The following AUTS2 variants were observed in gnomAD, a reference collection of about 807,000 sequenced individuals.
The protein encoded by AUTS2 is autism susceptibility gene 2 protein.
A neutral mutation model predicts 112.4 loss-of-function variants in AUTS2; 17 were observed. That is an observed-to-expected ratio of 0.15 (90% CI 0.10 to 0.23). The LOEUF (loss-of-function observed/expected upper bound fraction) is 0.23, where lower values mean the gene tolerates loss of function less well. AUTS2 is among the 10% of genes least tolerant of loss of function. AUTS2 has a pLI of 1.00. For synonymous variants in AUTS2, 751 were observed against 702.7 expected (o/e 1.07, Z -1.09); for missense variants, 1,510 against 1,701.6 (o/e 0.89, Z 1.98).
Position 70,789,701 on chromosome 7 carries a change from G to T in AUTS2, c.2532-47G>T, listed in dbSNP as rs375608462. On this transcript the variant is annotated intron_variant, in intron 18 of 18. Transcript: ENST00000342771. ...CCGCAGCCCCTGGCCCGGCCGACTC[G>T]CCCCTTTCATTTCATCTGCGTCCTT... The T allele has an allele frequency of 5.7e-6, 9 of 1,573,072 alleles. No individual in the cohort carries two copies. In the Admixed American group the frequency reaches 7.0e-5, roughly 12 times the overall value.
At chr7:70,747,104 C>A (rs1002990027) in intron 6 of AUTS2, among the ~76,000 whole-genome samples, 7 of 152,128 alleles carry the variant, frequency 4.6e-5, no homozygotes, top group Admixed American at 2.0e-4. Flanking sequence ...GCCAGGTAGA[C>A]AAGGCCCTCA....
chr7:70,410,036 T>A (rs889052202), intron 4 of AUTS2, among the ~76,000 whole-genome samples: 6 of 152,258 alleles, frequency 3.9e-5, no homozygotes, highest in Non-Finnish European at 7.3e-5. Flanking sequence ...TTTCTTTTCC[T>A]GTTGGCTGGG....
chr7:70,314,723 C>A (rs1019244522), intron 4 of AUTS2, among the ~76,000 whole-genome samples: 8 of 152,158 alleles, frequency 5.3e-5, no homozygotes, highest in African/African-American at 7.2e-5. Context: ...TCCATCTCCG[C>A]CATTTAACAT....
intron 1 of AUTS2, among the ~76,000 whole-genome samples, chr7:69,652,780 C>T (rs187740073): frequency 3.3e-5 from 5 of 152,096 alleles, no homozygotes; most frequent in East Asian, 1.9e-4. Context: ...CTTACTACAT[C>T]GATAGTGGGG....
At chr7:70,570,198 T>A (rs1801879545) in intron 5 of AUTS2, among the ~76,000 whole-genome samples, 1 of 152,218 alleles carries the variant, frequency 6.6e-6, no homozygotes, top group Non-Finnish European at 1.5e-5. Flanking sequence ...AGGTAAGTTA[T>A]GATTCATACA....
chr7:70,446,794 C>T (rs1366341288), intron 5 of AUTS2, among the ~76,000 whole-genome samples: 2 of 152,150 alleles, frequency 1.3e-5, no homozygotes, highest in Non-Finnish European at 2.9e-5. Flanking sequence ...ACTTCCTGCT[C>T]AGAGGTGCTG....
chr7:69,705,769 A>T (rs1202420745), intron 1 of AUTS2, among the ~76,000 whole-genome samples: 1 of 152,162 alleles, frequency 6.6e-6, no homozygotes, highest in Non-Finnish European at 1.5e-5. Context: ...TCAGCTCTGG[A>T]GGCTAGAAGG....
At chr7:70,456,139 A>C (rs1419131372) in intron 5 of AUTS2, among the ~76,000 whole-genome samples, 5 of 152,190 alleles carry the variant, frequency 3.3e-5, no homozygotes, top group Non-Finnish European at 2.9e-5. Context: ...CCCCTAACCC[A>C]GCACGGAAGT....
At chr7:70,557,472 T>C (rs1392257050) in intron 5 of AUTS2, among the ~76,000 whole-genome samples, 2 of 152,226 alleles carry the variant, frequency 1.3e-5, no homozygotes, top group Non-Finnish European at 2.9e-5. Context: ...AGGCTTGTTA[T>C]TGAGCACATG....
At chr7:69,666,294 T>C (rs1289819520) in intron 1 of AUTS2, among the ~76,000 whole-genome samples, 2 of 152,220 alleles carry the variant, frequency 1.3e-5, no homozygotes, top group Non-Finnish European at 2.9e-5. Context: ...GTTTAGTGAA[T>C]GAATGAATAC....
At chr7:70,087,383 T>G (rs965140777) in intron 2 of AUTS2, among the ~76,000 whole-genome samples, 1 of 151,370 alleles carries the variant, frequency 6.6e-6, no homozygotes, top group African/African-American at 2.4e-5. Context: ...TTTTTTTTTT[T>G]TTTGAGACAG....
intron 2 of AUTS2, among the ~76,000 whole-genome samples, chr7:70,053,351 G>GAATTTTCC (rs1801839059): frequency 6.6e-6 from 1 of 151,956 alleles, no homozygotes; most frequent in Non-Finnish European, 1.5e-5. Context: ...TTTTAAAAAA[G>GAATTTTCC]AATTTTCCAT....
chr7:70,752,393 T>C (rs1029966155), intron 6 of AUTS2, among the ~76,000 whole-genome samples: 5 of 152,182 alleles, frequency 3.3e-5, no homozygotes, highest in Non-Finnish European at 7.3e-5. Flanking sequence ...TCTCTACATA[T>C]CACATCACAG....
intron 4 of AUTS2, among the ~76,000 whole-genome samples, chr7:70,314,746 A>G (rs914764304): frequency 1.3e-5 from 2 of 152,192 alleles, no homozygotes; most frequent in East Asian, 1.9e-4. Context: ...AAACATTGTT[A>G]TTCATGTTTA....
intron 15 of AUTS2, chr7:70,782,110 A>T: frequency 4.0e-6 from 1 of 251,514 alleles, no homozygotes; most frequent in Non-Finnish European, 7.6e-6. Context: ...GCCAGGAATT[A>T]TAGAAGGATG....
intron 1 of AUTS2, among the ~76,000 whole-genome samples, chr7:69,774,497 T>A (rs1788811102): frequency 6.6e-6 from 1 of 152,228 alleles, no homozygotes; most frequent in Admixed American, 6.5e-5. Flanking sequence ...CAGTAATGGA[T>A]ACAAGCACTG....
At chr7:70,140,069 T>G (rs1806776520) in intron 4 of AUTS2, among the ~76,000 whole-genome samples, 1 of 152,190 alleles carries the variant, frequency 6.6e-6, no homozygotes, top group Non-Finnish European at 1.5e-5. Flanking sequence ...GCCCTTTCAT[T>G]CTTTGAATTT....
chr7:69,634,695 A>C (rs1794436152), intron 1 of AUTS2, among the ~76,000 whole-genome samples: 1 of 152,196 alleles, frequency 6.6e-6, no homozygotes, highest in African/African-American at 2.4e-5. Flanking sequence ...GGCATCTTTA[A>C]GTATTTCGGG....
intron 5 of AUTS2, among the ~76,000 whole-genome samples, chr7:70,565,840 A>C (rs1801686748): frequency 6.6e-6 from 1 of 152,192 alleles, no homozygotes; most frequent in South Asian, 2.1e-4. Flanking sequence ...GTGCTCATGG[A>C]CTCTGAACCC....
Sources: allele counts gnomAD v4.1 joint callset (sites outside exome capture counted in the v4.1 genomes callset), GRCh38; gene constraint gnomAD v4.1.1; transcripts MANE v1.5; gene names NCBI Gene and HGNC (gene_info 2026-07-23, HGNC 2026-07-21).